Variants in PHF2 observed in about 807,000 individuals in gnomAD.
PHF2 encodes the protein lysine-specific demethylase PHF2.
Under a neutral mutation model 120.5 loss-of-function variants are expected in PHF2, and 27 were observed. That is an observed-to-expected ratio of 0.22 (90% CI 0.17 to 0.31). The LOEUF (loss-of-function observed/expected upper bound fraction) is 0.31. Ranked by LOEUF, PHF2 falls within the 10% of genes least tolerant of loss-of-function variation. The probability of loss-of-function intolerance (pLI) is 1.00; values close to 1 mark genes in which losing one functional copy is unlikely to be tolerated. For synonymous variants in PHF2, 568 were observed against 592.5 expected (o/e 0.96, Z 0.60); for missense variants, 1,024 against 1,434.8 (o/e 0.71, Z 4.63).
intron 1 of PHF2, among the ~76,000 whole-genome samples, chr9:93,622,866 T>C (rs753598572): frequency 2.4e-4 from 36 of 152,224 alleles, no homozygotes; most frequent in Non-Finnish European, 5.1e-4. Context: ...TGTTCTACTC[T>C]GAGTTTGGTG....
chr9:93,609,741 C>G (rs1825603587), intron 1 of PHF2, among the ~76,000 whole-genome samples: 1 of 151,838 alleles, frequency 6.6e-6, no homozygotes, highest in Admixed American at 6.6e-5. Context: ...CTTGCTTTGT[C>G]ACCCAGTCTA....
At chr9:93,589,122 C>A (rs1863122607) in intron 1 of PHF2, among the ~76,000 whole-genome samples, 1 of 152,152 alleles carries the variant, frequency 6.6e-6, no homozygotes, top group African/African-American at 2.4e-5. Context: ...TAGTCATGTC[C>A]TGGTATGTCT....
intron 1 of PHF2, among the ~76,000 whole-genome samples, chr9:93,623,927 A>G (rs1485413645): frequency 6.6e-6 from 1 of 152,236 alleles, no homozygotes; most frequent in East Asian, 1.9e-4. Flanking sequence ...TTAGTCTGAT[A>G]CACTGGGCAC....
chr9:93,579,157 T>G (rs1405324734), intron 1 of PHF2, among the ~76,000 whole-genome samples: 1 of 152,166 alleles, frequency 6.6e-6, no homozygotes, highest in Non-Finnish European at 1.5e-5. Context: ...TCTTTTCTCA[T>G]CAGTAAAATG....
chr9:93,660,810 C>A (rs1183661233), intron 12 of PHF2, among the ~76,000 whole-genome samples: 1 of 152,196 alleles, frequency 6.6e-6, no homozygotes, highest in Non-Finnish European at 1.5e-5. Context: ...GCCCAACAAG[C>A]CACAGAGCAG....
At chr9:93,674,893 C>T (rs1185803304) in intron 18 of PHF2, 34 bp from the exon 19 acceptor site, 3 of 1,533,326 alleles carry the variant, frequency 2.0e-6, no homozygotes, top group Non-Finnish European at 2.7e-6. Context: ...GCCCTGCACT[C>T]AGCGGGCCAC....
Position 93,656,331 on chromosome 9 carries a change from G to A in PHF2, c.1041-158G>A, listed in dbSNP as rs1003356220. Among the ~76,000 whole-genome samples, 3 of 152,078 alleles carry A rather than the reference G, an allele frequency of 2.0e-5. No individual in the cohort carries two copies. Among genetic ancestry groups the A allele is most frequent in the African/African-American group, 7.2e-5 (3 of 41,418 alleles). Reference sequence around the variant, plus strand: ...CACTGACAGAACTCTCATGGGCCCCGAGGTCTGCAGCCACCAGGGCAGTTT... The same window carrying A: ...CACTGACAGAACTCTCATGGGCCCCAAGGTCTGCAGCCACCAGGGCAGTTT... On this transcript the variant is annotated intron_variant, in intron 8 of 21. Coordinates refer to ENST00000359246, the MANE Select transcript of PHF2 (RefSeq NM_005392.4). The surrounding 1 kb of genome is among the most constrained non-coding windows in gnomAD (Gnocchi z 4.1).
rs1204522737 is a variant in PHF2, at chr9:93,636,541, T to G, written c.299+16T>G. 1 of 1,534,486 alleles carries G rather than the reference T, an allele frequency of 6.5e-7. No individual in the cohort carries two copies. The highest frequency in any genetic ancestry group is 1.9e-5 in the Admixed American group (1 of 52,738). On this transcript the variant is annotated intron_variant, in intron 3 of 21. Transcript: ENST00000359246. ...CCTTTCCCAGGTGGGCTGGCCTTCC[T>G]GTATGCTCCACCACCTGCAGCCAGG...
intron 14 of PHF2, among the ~76,000 whole-genome samples, chr9:93,663,837 C>G (rs896721215): frequency 2.0e-5 from 3 of 152,140 alleles, no homozygotes; most frequent in African/African-American, 7.2e-5. Context: ...AAACACACAG[C>G]CTTTGGCTGA....
intron 5 of PHF2, among the ~76,000 whole-genome samples, chr9:93,650,948 A>C (rs1826359378): frequency 6.6e-6 from 1 of 152,218 alleles, no homozygotes; most frequent in African/African-American, 2.4e-5. Flanking sequence ...AAACTATGCC[A>C]AGAGCCACAA....
At position 93,679,397 on chromosome 9, in the gene PHF2, TTCTC is replaced by T. The variant is rs544456736; in HGVS notation, c.*1731_*1734del. The T allele has an allele frequency of 1.3e-3, 462 of 353,230 alleles. 1 individual carries two copies. Among genetic ancestry groups the T allele is most frequent in the African/African-American group, 9.1e-3 (412 of 45,524 alleles). 21.9% of individuals were successfully genotyped at this position (353,230 alleles called of 1,614,324 possible). On this transcript the variant is annotated 3_prime_UTR_variant, in exon 22 of 22. Transcript: ENST00000359246. ...ATAATCTAACCTGGACATCAAGCTGTTCTCTCTCTCTCTTTTTTTTAATTTTATT... is the reference window on the plus strand; with the variant it reads ...ATAATCTAACCTGGACATCAAGCTGTTCTCTCTCTTTTTTTTAATTTTATT...
rs553782112 is a variant in PHF2, at chr9:93,576,788, C to G, written c.15C>G (p.Pro5=). The G allele has an allele frequency of 2.3e-6, 3 of 1,277,010 alleles. No individual in the cohort carries two copies. Among genetic ancestry groups the G allele is most frequent in the Non-Finnish European group, 3.1e-6 (3 of 978,510 alleles). 79.1% of individuals were successfully genotyped at this position (1,277,010 alleles called of 1,614,324 possible). A position where few individuals can be genotyped will look rare whatever the true frequency, so the allele number is the denominator to read the frequency against. MATV[P]VYCVCRLPYD... Reference sequence around the variant, plus strand: ...GGCGCGGCAACATGGCGACGGTGCCCGTGTACTGCGTCTGCCGGCTCCCCT... The same window carrying G: ...GGCGCGGCAACATGGCGACGGTGCCGGTGTACTGCGTCTGCCGGCTCCCCT... Residue 5 remains proline, a synonymous_variant, in exon 1 of 22, where the codon CCC becomes CCG. Transcript: ENST00000359246.
chr9:93,604,610 G>A (rs1276270979), intron 1 of PHF2, among the ~76,000 whole-genome samples: 5 of 151,806 alleles, frequency 3.3e-5, no homozygotes, highest in Middle Eastern at 3.4e-3. Flanking sequence ...GACTACAGGC[G>A]CCCGCCACCA....
At chr9:93,652,840 C>T (rs1349612205) in intron 5 of PHF2, among the ~76,000 whole-genome samples, 2 of 152,180 alleles carry the variant, frequency 1.3e-5, no homozygotes, top group Admixed American at 6.5e-5. Context: ...GCCCAGTGTG[C>T]CACAGCACAT....
chr9:93,615,531 TATG>T (rs1204311838), intron 1 of PHF2, among the ~76,000 whole-genome samples: 1 of 152,200 alleles, frequency 6.6e-6, no homozygotes, highest in African/African-American at 2.4e-5. Context: ...TTCTACTAGA[TATG>T]ATGATCCACT....
At chr9:93,605,810 T>C (rs1354379467) in intron 1 of PHF2, among the ~76,000 whole-genome samples, 1 of 152,240 alleles carries the variant, frequency 6.6e-6, no homozygotes, top group Non-Finnish European at 1.5e-5. Flanking sequence ...ATTCACCTAC[T>C]GAAGGGCATC....
chr9:93,648,140 T>C (rs979451484), intron 4 of PHF2, among the ~76,000 whole-genome samples: 1 of 152,192 alleles, frequency 6.6e-6, no homozygotes, highest in African/African-American at 2.4e-5. Flanking sequence ...TGAAGTCTCT[T>C]TTCTTCTGAC....
intron 1 of PHF2, among the ~76,000 whole-genome samples, chr9:93,624,807 G>A (rs574375148): frequency 6.6e-6 from 1 of 151,350 alleles, no homozygotes; most frequent in East Asian, 2.0e-4. Context: ...TGCTGGTGAT[G>A]GTGATGGTGA....
intron 5 of PHF2, among the ~76,000 whole-genome samples, chr9:93,650,124 CTT>C (rs1826340853): frequency 7.5e-6 from 1 of 132,554 alleles, no homozygotes; most frequent in Non-Finnish European, 1.7e-5. Context: ...TGGACACACA[CTT>C]AGCACTCACC....
Sources: allele counts gnomAD v4.1 joint callset (sites outside exome capture counted in the v4.1 genomes callset), GRCh38; gene constraint gnomAD v4.1.1; non-coding constraint Gnocchi (gnomAD v3.1); transcripts MANE v1.5; gene names NCBI Gene and HGNC (gene_info 2026-07-23, HGNC 2026-07-21).